The following ASTN2 variants were observed in gnomAD, a reference collection of about 807,000 sequenced individuals.
ASTN2 encodes the protein astrotactin 2, also known as astrotactin-2.
A neutral mutation model predicts 139.8 loss-of-function variants in ASTN2; 54 were observed. The observed-to-expected ratio is 0.39, with a 90% CI of 0.31 to 0.48. The LOEUF is 0.48. ASTN2 is among the 20% of genes least tolerant of loss of function. The probability of loss-of-function intolerance (pLI) is 0.95; values close to 1 mark genes in which losing one functional copy is unlikely to be tolerated. For synonymous variants in ASTN2, 756 were observed against 719.5 expected, an observed-to-expected ratio of 1.05 and a Z score of -0.81; for missense variants, 1,565 against 1,725.1, an observed-to-expected ratio of 0.91 and a Z score of 1.64.
At position 117,059,620 on chromosome 9, in the gene ASTN2, T is replaced by C. The variant is rs1839179398; in HGVS notation, c.1277-19655A>G. ...AAAGAGAGATTATGTTTTTTTATTA[T>C]TACTATTAAAAAAACAAACAAACAA... On this transcript the variant is annotated intron_variant, in intron 5 of 22. Coordinates refer to ENST00000313400, the MANE Select transcript of ASTN2 (RefSeq NM_001365068.1). 2.0e-5 allele frequency among the ~76,000 whole-genome samples: 3 copies of C among 151,892 alleles called. No individual in the cohort carries two copies. The South Asian group carries it at 6.3e-4, about 32-fold the overall frequency.
intron 2 of ASTN2, among the ~76,000 whole-genome samples, chr9:117,280,067 C>T (rs1834289420): frequency 6.6e-6 from 1 of 152,108 alleles, no homozygotes; most frequent in Admixed American, 6.5e-5. Flanking sequence ...TTACTGTTTT[C>T]CTTGTTGTTG....
chr9:116,447,644 A>T (rs1217245503), intron 20 of ASTN2, among the ~76,000 whole-genome samples: 1 of 152,208 alleles, frequency 6.6e-6, no homozygotes, highest in Non-Finnish European at 1.5e-5. Flanking sequence ...GCCTTGTCTC[A>T]AGGTACTCAC....
At chr9:116,748,659 A>C (rs1335443460) in intron 13 of ASTN2, among the ~76,000 whole-genome samples, 1 of 152,196 alleles carries the variant, frequency 6.6e-6, no homozygotes, top group Non-Finnish European at 1.5e-5. Context: ...CACAGTAGGT[A>C]CACAAAAAAC....
intron 2 of ASTN2, among the ~76,000 whole-genome samples, chr9:117,251,309 T>C (rs540574371): frequency 6.6e-6 from 1 of 151,758 alleles, no homozygotes; most frequent in Non-Finnish European, 1.5e-5. Flanking sequence ...TAGGTAATGC[T>C]TTGTGCGACA....
intron 19 of ASTN2, among the ~76,000 whole-genome samples, chr9:116,606,974 G>A (rs750029840): frequency 6.6e-6 from 1 of 152,132 alleles, no homozygotes; most frequent in Admixed American, 6.6e-5. Context: ...AGTGAACTGA[G>A]AAATTTCAAT....
intron 2 of ASTN2, among the ~76,000 whole-genome samples, chr9:117,243,726 A>G (rs564245911): frequency 3.9e-5 from 6 of 152,272 alleles, no homozygotes; most frequent in Admixed American, 3.3e-4. Flanking sequence ...CTTATTTCCA[A>G]CTAAAATTCT....
chr9:117,359,503 T>C (rs1429330552), intron 1 of ASTN2, among the ~76,000 whole-genome samples: 1 of 152,212 alleles, frequency 6.6e-6, no homozygotes, highest in African/African-American at 2.4e-5. Flanking sequence ...AAGATATTGT[T>C]AAGCATCTTC....
intron 19 of ASTN2, among the ~76,000 whole-genome samples, chr9:116,567,399 C>T (rs1391456103): frequency 6.6e-6 from 1 of 152,196 alleles, no homozygotes; most frequent in East Asian, 1.9e-4. Flanking sequence ...GAGTGCTCTT[C>T]TCAGTTGGCG....
intron 7 of ASTN2, among the ~76,000 whole-genome samples, chr9:116,978,500 C>CAT (rs1482384947): frequency 7.2e-6 from 1 of 138,624 alleles, no homozygotes; most frequent in African/African-American, 2.6e-5. Flanking sequence ...CTCACGCACA[C>CAT]ACACACACAC....
chr9:117,221,040 C>T (rs895433803), intron 2 of ASTN2, among the ~76,000 whole-genome samples: 5 of 152,138 alleles, frequency 3.3e-5, no homozygotes, highest in Non-Finnish European at 5.9e-5. Context: ...AGTGCTTAGC[C>T]CAGGGAAGGT....
Position 116,820,931 on chromosome 9 carries a change from G to A in ASTN2, c.2041-148C>T. On this transcript the variant is annotated intron_variant, in intron 11 of 22. Coordinates refer to ENST00000313400, the MANE Select transcript of ASTN2 (RefSeq NM_001365068.1). Reference sequence around the variant, plus strand: ...TTGTCAGTTAATAACTTTGTGACAAGTTCCACAAGTCCCTTTACTTCTCTG... The same window carrying A: ...TTGTCAGTTAATAACTTTGTGACAAATTCCACAAGTCCCTTTACTTCTCTG... The A allele has an allele frequency of 4.8e-6, 4 of 832,580 alleles. No individual in the cohort carries two copies. In the South Asian group the frequency reaches 9.5e-5, roughly 20 times the overall value. 51.6% of individuals were successfully genotyped at this position (832,580 alleles called of 1,614,324 possible).
chr9:116,518,585 T>C (rs923241752), intron 19 of ASTN2, among the ~76,000 whole-genome samples: 4 of 151,734 alleles, frequency 2.6e-5, no homozygotes, highest in African/African-American at 9.7e-5. Flanking sequence ...AGGACCTATA[T>C]AACAATAACA....
intron 17 of ASTN2, among the ~76,000 whole-genome samples, chr9:116,644,175 T>C (rs916141966): frequency 1.8e-4 from 28 of 152,274 alleles, no homozygotes; most frequent in African/African-American, 6.3e-4. Flanking sequence ...GCTGTTAATT[T>C]CTCTTCAAAG....
chr9:116,530,150 T>TAA (rs869216568), intron 19 of ASTN2, among the ~76,000 whole-genome samples: 36 of 21,082 alleles, frequency 1.7e-3, no homozygotes, highest in African/African-American at 4.2e-3. Flanking sequence ...TATATATATA[T>TAA]AAAATAGAAT....
intron 3 of ASTN2, among the ~76,000 whole-genome samples, chr9:117,174,119 CTAACTAGA>C (rs1386905084): frequency 3.6e-4 from 51 of 139,926 alleles, no homozygotes; most frequent in Admixed American, 6.6e-4. Flanking sequence ...AGCTAGCTAG[CTAACTAGA>C]TAGATAGATA....
rs149777023 is a variant in ASTN2 at position 116,651,656 on chromosome 9, G to A, written c.2944C>T (p.Arg982Cys). 1.1e-4 allele frequency: 179 copies of A among 1,613,974 alleles called. No individual in the cohort carries two copies. The highest frequency in any genetic ancestry group is 1.5e-4 in the Non-Finnish European group (172 of 1,180,034). ...GVEIRCEEKG[R>C]CPSTCHLCRR... ...CAAAGGTGACAGGTAGATGGACAGCGCCCCTTCTCCTCACAGCGAATCTCC... is the reference window on the plus strand; with the variant it reads ...CAAAGGTGACAGGTAGATGGACAGCACCCCTTCTCCTCACAGCGAATCTCC... Residue 982 changes from arginine to cysteine, a missense_variant, in exon 17 of 23, where the codon CGC (arginine) becomes TGC (cysteine). By Grantham distance (180) the Arg-to-Cys change is radical (BLOSUM62 -3). Around this residue, in one of 4 missense-constraint regions of ASTN2, gnomAD observed 418 missense variants for 465.8 expected, o/e 0.90. Transcript: ENST00000313400.
chr9:117,308,745 T>C (rs1426389037), intron 1 of ASTN2, among the ~76,000 whole-genome samples: 3 of 151,996 alleles, frequency 2.0e-5, no homozygotes, highest in Non-Finnish European at 4.4e-5. Context: ...AGGACAGCTT[T>C]AAAAGGTGGT....
At chr9:117,255,417 A>G (rs1424538854) in intron 2 of ASTN2, among the ~76,000 whole-genome samples, 1 of 152,212 alleles carries the variant, frequency 6.6e-6, no homozygotes, top group East Asian at 1.9e-4. Context: ...TTGGGAGATT[A>G]TTTGTGTTAC....
chr9:116,834,682 T>C (rs1831930293), intron 11 of ASTN2, among the ~76,000 whole-genome samples: 2 of 152,262 alleles, frequency 1.3e-5, no homozygotes, highest in African/African-American at 4.8e-5. Flanking sequence ...TGTGAATTTC[T>C]TGCAGACAGT....
Sources: allele counts gnomAD v4.1 joint callset (sites outside exome capture counted in the v4.1 genomes callset), GRCh38; gene constraint gnomAD v4.1.1; regional missense constraint gnomAD v4.1.1; transcripts MANE v1.5; gene names NCBI Gene and HGNC (gene_info 2026-07-23, HGNC 2026-07-21).